Variants in XPNPEP1 observed in about 807,000 individuals in gnomAD.
XPNPEP1 encodes xaa-Pro aminopeptidase 1.
Under a neutral mutation model 92.4 loss-of-function variants are expected in XPNPEP1, and 39 were observed. The ratio of observed to expected loss-of-function variants is 0.42; its 90% CI spans 0.33 to 0.55. XPNPEP1 has a LOEUF of 0.55. Ranked by LOEUF, XPNPEP1 falls within the 20% of genes least tolerant of loss-of-function variation. XPNPEP1 has a pLI of 0.08. For missense variants in XPNPEP1, 654 were observed against 856.1 expected, an observed-to-expected ratio of 0.76 and a Z score of 2.95; for synonymous variants, 307 against 299.4, an observed-to-expected ratio of 1.03 and a Z score of -0.26.
At chr10:109,914,793 G>A (rs960241290) in intron 2 of XPNPEP1, among the ~76,000 whole-genome samples, 45 of 103,060 alleles carry the variant, frequency 4.4e-4, no homozygotes, top group African/African-American at 2.0e-3. Flanking sequence ...GCGAGACTCC[G>A]TCTCAAAAAA....
intron 20 of XPNPEP1, among the ~76,000 whole-genome samples, chr10:109,866,196 C>T (rs1053222503): frequency 6.6e-6 from 1 of 152,338 alleles, no homozygotes. Flanking sequence ...AGCGATGTTA[C>T]AGAAGTACTG....
intron 1 of XPNPEP1, among the ~76,000 whole-genome samples, chr10:109,922,648 G>A (rs1478042733): frequency 1.3e-5 from 2 of 152,222 alleles, no homozygotes; most frequent in Non-Finnish European, 2.9e-5. Flanking sequence ...GACCCCTTGG[G>A]GATGGCCAGG....
intron 3 of XPNPEP1, among the ~76,000 whole-genome samples, chr10:109,895,124 C>T (rs1848914852): frequency 6.6e-6 from 1 of 152,216 alleles, no homozygotes; most frequent in South Asian, 2.1e-4. Context: ...GCTGGGAAAA[C>T]TAAGTTAAAA....
chr10:109,902,127 C>G (rs905122706), intron 3 of XPNPEP1, among the ~76,000 whole-genome samples: 1 of 152,220 alleles, frequency 6.6e-6, no homozygotes, highest in African/African-American at 2.4e-5. Context: ...TCATTTATGA[C>G]TGTGGCTTAC....
chr10:109,896,286 T>C (rs1431896474), intron 3 of XPNPEP1, among the ~76,000 whole-genome samples: 1 of 151,670 alleles, frequency 6.6e-6, no homozygotes, highest in African/African-American at 2.4e-5. Flanking sequence ...TTTTTTTTTT[T>C]TTTTCTTTTG....
chr10:109,870,055 G>C, intron 18 of XPNPEP1, 26 bp from the exon 19 acceptor site: 1 of 1,612,610 alleles, frequency 6.2e-7, no homozygotes. Context: ...TCCCAAAAAT[G>C]AGAAGCAGCC....
At chr10:109,881,948 C>T (rs3780950) in intron 10 of XPNPEP1, among the ~76,000 whole-genome samples, 24,057 of 152,068 alleles carry the variant, frequency 0.16, 2,325 homozygotes, top group South Asian at 0.4. Context: ...AAATGTGGTG[C>T]GGCAGAAGGA....
chr10:109,918,240 G>T (rs1191272794), intron 1 of XPNPEP1, among the ~76,000 whole-genome samples: 1 of 151,816 alleles, frequency 6.6e-6, no homozygotes, highest in Admixed American at 6.6e-5. Context: ...TGGGCAACAT[G>T]GCAAAACCCA....
intron 2 of XPNPEP1, among the ~76,000 whole-genome samples, chr10:109,913,034 A>G (rs1849965312): frequency 6.6e-6 from 1 of 152,232 alleles, no homozygotes; most frequent in Non-Finnish European, 1.5e-5. Context: ...AGAGCTAAGC[A>G]AAGTATGCAG....
intron 19 of XPNPEP1, among the ~76,000 whole-genome samples, chr10:109,869,154 C>G (rs1847306520): frequency 6.6e-6 from 1 of 152,214 alleles, no homozygotes; most frequent in Non-Finnish European, 1.5e-5. Flanking sequence ...CACATCTATC[C>G]ACTGGAGCAC....
At position 109,877,778 on chromosome 10, in the gene XPNPEP1, C is replaced by A. The variant is rs750733651; in HGVS notation, c.1319+12G>T. On this transcript the variant is annotated intron_variant, in intron 14 of 20. Coordinates refer to ENST00000502935, the MANE Select transcript of XPNPEP1 (RefSeq NM_020383.4). ...AGCAAGGCCAGGCAGCATGCTCCTC[C>A]GCATGCCTTACGCGTAGTGAATGAT... 1 of 1,614,192 alleles carries A rather than the reference C, an allele frequency of 6.2e-7. No homozygotes were observed. Among genetic ancestry groups the A allele is most frequent in the East Asian group, 2.2e-5 (1 of 44,892 alleles).
chr10:109,908,804 A>G (rs762596398), intron 2 of XPNPEP1, among the ~76,000 whole-genome samples: 2 of 152,202 alleles, frequency 1.3e-5, no homozygotes, highest in Non-Finnish European at 2.9e-5. Flanking sequence ...TGACTGCTTT[A>G]AAAGAGTATG....
intron 3 of XPNPEP1, among the ~76,000 whole-genome samples, chr10:109,903,118 C>T (rs1397525482): frequency 6.6e-6 from 1 of 152,234 alleles, no homozygotes; most frequent in East Asian, 1.9e-4. Context: ...TATAAGATGT[C>T]GGTGTCTCCT....
chr10:109,899,114 T>C (rs1347681557), intron 3 of XPNPEP1, among the ~76,000 whole-genome samples: 1 of 152,210 alleles, frequency 6.6e-6, no homozygotes, highest in East Asian at 1.9e-4. Flanking sequence ...GTTATTGGCA[T>C]TTTTTTCTCT....
At chr10:109,917,041 C>T (rs12258440) in intron 1 of XPNPEP1, among the ~76,000 whole-genome samples, 47,794 of 150,470 alleles carry the variant, frequency 0.32, 8,102 homozygotes, top group Admixed American at 0.46. Context: ...AATGCTTTCC[C>T]CTATAATCTA....
chr10:109,869,913 T>C (rs1275681827), intron 19 of XPNPEP1, 40 bp downstream of exon 19: 1 of 1,603,792 alleles, frequency 6.2e-7, no homozygotes, highest in Non-Finnish European at 8.5e-7. Context: ...GCGTGATTAT[T>C]GCTAATAGAA....
Position 109,875,691 on chromosome 10 carries a change from T to C in XPNPEP1, c.1320-92A>G, listed in dbSNP as rs1312248762. 8 of 1,040,582 alleles carry C rather than the reference T, an allele frequency of 7.7e-6. No homozygotes were observed. The Admixed American group carries it at 1.5e-4, about 19-fold the overall frequency. 64.5% of individuals were successfully genotyped at this position (1,040,582 alleles called of 1,614,324 possible). A position where few individuals can be genotyped will look rare whatever the true frequency, so the allele number is the denominator to read the frequency against. ...CACACAAGAGCTCTTTGTACTATTC[T>C]TGCAACTTACATAAGCCTGAAATTA... On this transcript the variant is annotated intron_variant, in intron 14 of 20. Transcript: ENST00000502935.
At position 109,923,444 on chromosome 10, in the gene XPNPEP1, C is replaced by T; in HGVS notation, c.-11G>A. On this transcript the variant is annotated 5_prime_UTR_variant, in exon 1 of 21. Transcript: ENST00000502935. ...TCTGGAGGCTGCCATTCGGCGGTGA[C>T]GTGCCCCAGCCCACGTCAGGGGAGC... 7.0e-7 allele frequency: 1 copy of T among 1,435,804 alleles called. No individual in the cohort carries two copies. The highest frequency in any genetic ancestry group is 9.1e-7 in the Non-Finnish European group (1 of 1,093,506). The allele number at this position is 1,435,804 out of a possible 1,614,324, so 88.9% of individuals were successfully genotyped here. A position where few individuals can be genotyped will look rare whatever the true frequency, so the allele number is the denominator to read the frequency against.
chr10:109,873,565 T>C (rs1847607730), intron 15 of XPNPEP1, 138 bp from the exon 16 acceptor site: 1 of 923,858 alleles, frequency 1.1e-6, no homozygotes, highest in Non-Finnish European at 1.7e-6. Context: ...TCTTTGCAAA[T>C]AGTTCGCAGT....
Sources: gnomAD v4.1 joint callset for allele counts (sites outside exome capture counted in the v4.1 genomes callset) on GRCh38, gnomAD v4.1.1 for gene constraint, MANE v1.5 for transcripts, NCBI Gene and HGNC (gene_info 2026-07-23, HGNC 2026-07-21) for gene names.